The following SOX5 variants were observed in gnomAD, a reference collection of about 807,000 sequenced individuals.
SOX5 encodes transcription factor SOX-5.
Under a neutral mutation model 92.0 loss-of-function variants are expected in SOX5, and 9 were observed. That is an observed-to-expected ratio of 0.10 (90% confidence interval 0.06 to 0.17). The LOEUF is 0.17. SOX5 is among the 10% of genes least tolerant of loss of function. The pLI is 1.00. For missense variants in SOX5, 642 were observed against 944.5 expected, an observed-to-expected ratio of 0.68 and a Z score of 4.20; for synonymous variants, 344 against 336.3, an observed-to-expected ratio of 1.02 and a Z score of -0.25.
chr12:23,759,707 C>T (rs2094511776), intron 3 of SOX5, among the ~76,000 whole-genome samples: 1 of 152,048 alleles, frequency 6.6e-6, no homozygotes, highest in Non-Finnish European at 1.5e-5. Flanking sequence ...ATTTACAATA[C>T]ACCTGTTTGT....
At chr12:23,807,690 G>C (rs2095804219) in intron 3 of SOX5, among the ~76,000 whole-genome samples, 1 of 149,340 alleles carries the variant, frequency 6.7e-6, no homozygotes, top group Non-Finnish European at 1.5e-5. Context: ...GCCCAGGCTG[G>C]GTTGCAGTGG....
rs149034650 is a variant in SOX5, at chr12:24,106,018, T to C, written c.-2+107325A>G. ...CCTTTGCCCTTGGGATAGTCAAAGA[T>C]GTCTCAGACATGATATAAAAAACAG... On this transcript the variant is annotated intron_variant, in intron 4 of 4. Transcript: ENST00000446891. Among the ~76,000 whole-genome samples the C allele has an allele frequency of 1.4e-4, 22 of 152,284 alleles. No homozygotes were observed. In the East Asian group the frequency reaches 4.0e-3, roughly 28 times the overall value.
rs117992523 is a variant in SOX5 at position 23,629,653 on chromosome 12, G to T, written c.1017+11159C>A. On this transcript the variant is annotated intron_variant, in intron 8 of 14. Transcript: ENST00000451604. ...AGTCCGGTGAATAGTTTGAAACAAC[G>T]TTTTCAACCATCTGTGAGGTCTTTT... Among the ~76,000 whole-genome samples, 6 of 152,024 alleles carry T rather than the reference G, an allele frequency of 3.9e-5. No homozygotes were observed. The East Asian group carries it at 9.6e-4, about 24-fold the overall frequency.
intron 4 of SOX5, among the ~76,000 whole-genome samples, chr12:24,171,187 C>T (rs1479508721): frequency 3.1e-3 from 76 of 24,600 alleles, no homozygotes; most frequent in African/African-American, 4.3e-3. Flanking sequence ...TTAGTTTTTT[C>T]TTTTATTTCA....
intron 4 of SOX5, among the ~76,000 whole-genome samples, chr12:24,176,038 C>A (rs1954769831): frequency 6.6e-6 from 1 of 151,914 alleles, no homozygotes; most frequent in South Asian, 2.1e-4. Context: ...AGATTAAAAT[C>A]TAAACGATAA....
At position 24,046,702 on chromosome 12, in the gene SOX5, T is replaced by C. The variant is rs188485661; in HGVS notation, c.-1-150678A>G. On this transcript the variant is annotated intron_variant, in intron 4 of 4. Coordinates refer to the SOX5 transcript ENST00000446891. The stretch of plus-strand genomic sequence containing the variant: ...TTTTTTTTTTTTTTGAGACAGAGTC[T>C]TGCTCTTGCTTTTGTTGCCCAGGCT... 3.7e-3 allele frequency among the ~76,000 whole-genome samples: 550 copies of C among 148,732 alleles called. 6 individuals carry two copies. Among genetic ancestry groups the C allele is most frequent in the African/African-American group, 0.013 (521 of 40,396 alleles).
chr12:23,973,166 T>G (rs537374592), intron 4 of SOX5, among the ~76,000 whole-genome samples: 1 of 148,696 alleles, frequency 6.7e-6, no homozygotes, highest in South Asian at 2.1e-4. Context: ...TTTTCTTTTT[T>G]TTTTTTTTTT....
At chr12:24,011,363 C>A (rs1592311018) in intron 4 of SOX5, among the ~76,000 whole-genome samples, 2 of 152,118 alleles carry the variant, frequency 1.3e-5, no homozygotes, top group Non-Finnish European at 2.9e-5. Context: ...ATAATCATCT[C>A]CTATTTTTTC....
At chr12:24,432,717 C>A (rs1341685285) in intron 1 of SOX5, among the ~76,000 whole-genome samples, 2 of 152,054 alleles carry the variant, frequency 1.3e-5, no homozygotes, top group Non-Finnish European at 2.9e-5. Flanking sequence ...AAGGCTGAGG[C>A]AGAAGAATCC....
At chr12:23,689,911 T>C (rs1336595937) in intron 6 of SOX5, among the ~76,000 whole-genome samples, 1 of 152,132 alleles carries the variant, frequency 6.6e-6, no homozygotes, top group Non-Finnish European at 1.5e-5. Flanking sequence ...CTGGAGGAAA[T>C]GCTTTTTCAG....
At position 24,254,718 on chromosome 12, in the gene SOX5, A is replaced by AATATATATATATATATAT. The variant is rs10556060; in HGVS notation, c.-77+22480_-77+22497dup. ...TATTCTTTTTTCTTTGGGCTGCTCA[A>AATATATATATATATATAT]ATATATATATATATATATATTTCCT... is the stretch of plus-strand genomic sequence containing the variant. On this transcript the variant is annotated intron_variant, in intron 3 of 4. Coordinates refer to the SOX5 transcript ENST00000446891. Among the ~76,000 whole-genome samples the AATATATATATATATATAT allele has an allele frequency of 5.1e-4, 75 of 146,676 alleles. No homozygotes were observed. The South Asian group carries it at 5.7e-3, about 11-fold the overall frequency.
chr12:24,158,216 T>C (rs771047920), intron 4 of SOX5, among the ~76,000 whole-genome samples: 1 of 152,052 alleles, frequency 6.6e-6, no homozygotes, highest in African/African-American at 2.4e-5. Flanking sequence ...CGGCATATCA[T>C]TTTATTGCTT....
intron 3 of SOX5, among the ~76,000 whole-genome samples, chr12:24,238,995 T>C (rs1965058251): frequency 1.3e-5 from 2 of 152,204 alleles, no homozygotes; most frequent in South Asian, 2.1e-4. Context: ...GACAAATGAA[T>C]AGATCTGCCT....
chr12:23,887,917 A>G (rs61909998), intron 2 of SOX5, among the ~76,000 whole-genome samples: 9,928 of 144,676 alleles, frequency 0.069, 427 homozygotes, highest in East Asian at 0.095. Context: ...CAGTGTGTAT[A>G]TGTGTGTGTG....
At chr12:24,381,177 G>A (rs1280650424) in intron 1 of SOX5, among the ~76,000 whole-genome samples, 1 of 152,194 alleles carries the variant, frequency 6.6e-6, no homozygotes, top group East Asian at 1.9e-4. Flanking sequence ...AGATCAAGTT[G>A]TGGCTTTACT....
intron 6 of SOX5, among the ~76,000 whole-genome samples, chr12:23,704,371 A>T (rs1420745155): frequency 6.6e-6 from 1 of 151,844 alleles, no homozygotes; most frequent in African/African-American, 2.4e-5. Flanking sequence ...AAATATGCAA[A>T]ATCAATTCTT....
chr12:24,005,539 A>G (rs1952064158), intron 4 of SOX5, among the ~76,000 whole-genome samples: 1 of 152,156 alleles, frequency 6.6e-6, no homozygotes, highest in South Asian at 2.1e-4. Context: ...TCCATGACTT[A>G]TTTCTTCACT....
chr12:24,489,373 G>A (rs915254154), intron 1 of SOX5, among the ~76,000 whole-genome samples: 8 of 152,128 alleles, frequency 5.3e-5, no homozygotes, highest in Admixed American at 3.3e-4. Flanking sequence ...AGAGAGGCAC[G>A]TGGTGAAATC....
intron 4 of SOX5, among the ~76,000 whole-genome samples, chr12:24,206,808 C>T (rs1958064680): frequency 6.6e-6 from 1 of 152,234 alleles, no homozygotes; most frequent in African/African-American, 2.4e-5. Context: ...CTGATGACTT[C>T]CCTGTGGCTT....
Sources: gnomAD v4.1 joint callset for allele counts (sites outside exome capture counted in the v4.1 genomes callset) on GRCh38, gnomAD v4.1.1 for gene constraint, MANE v1.5 for transcripts, NCBI Gene and HGNC (gene_info 2026-07-23, HGNC 2026-07-21) for gene names.